Variants in RNLS observed in about 807,000 individuals in gnomAD.
RNLS encodes the protein renalase.
A neutral mutation model predicts 39.8 loss-of-function variants in RNLS; 39 were observed. That is an observed-to-expected ratio of 0.98 (90% CI 0.76 to 1.28). The LOEUF (loss-of-function observed/expected upper bound fraction) is 1.28, where lower values mean the gene tolerates loss of function less well. Among genes scored for constraint, RNLS ranks in the 50% most tolerant of loss-of-function variants. The probability of loss-of-function intolerance (pLI) is 0.00; values close to 1 mark genes in which losing one functional copy is unlikely to be tolerated. For synonymous variants in RNLS, 147 were observed against 150.7 expected (o/e 0.98, Z 0.18); for missense variants, 410 against 413.3 (o/e 0.99, Z 0.07).
In RNLS at chr10:88,572,945, G is replaced by T. The variant is rs1371330687; in HGVS notation, c.484C>A (p.Pro162Thr). The stretch of plus-strand genomic sequence containing the variant: ...TGAAGCTGCAGAATCTCAGGAACTG[G>T]CATTGTGAGAACAATAAGATCAAAC... ...EQFDLIVLTM[P>T]VPEILQLQGD... The change falls in exon 4 of 7, where the codon CCA (proline) becomes ACA (threonine). Residue 162 changes from proline (P) to threonine (T), a missense_variant. Pro to Thr is a conservative substitution (Grantham distance 38, BLOSUM62 -1). Coordinates refer to ENST00000331772, the MANE Select transcript of RNLS (RefSeq NM_001031709.3). 1 of 1,613,978 alleles carries T rather than the reference G, an allele frequency of 6.2e-7. No homozygotes were observed. Among genetic ancestry groups the T allele is most frequent in the Non-Finnish European group, 8.5e-7 (1 of 1,179,926 alleles).
At chr10:88,448,641 C>A (rs566002304) in intron 4 of RNLS, among the ~76,000 whole-genome samples, 2 of 152,280 alleles carry the variant, frequency 1.3e-5, no homozygotes, top group East Asian at 3.9e-4. Flanking sequence ...CCAGCCATCC[C>A]ATTACTGGGT....
At chr10:88,253,789 GC>G in the RNLS span, among the ~76,000 whole-genome samples, 1 of 152,114 alleles carries the variant, frequency 6.6e-6, no homozygotes, top group Non-Finnish European at 1.5e-5. Flanking sequence ...GCATTTTCCT[GC>G]CCCCCTCCCT....
chr10:88,272,169 A>G (rs148370639), downstream of RNLS, among the ~76,000 whole-genome samples: 4 of 152,262 alleles, frequency 2.6e-5, no homozygotes, highest in African/African-American at 9.6e-5. Flanking sequence ...AGAGGACTAG[A>G]GCAGTGATGT....
chr10:88,467,713 C>A (rs1361184289), intron 4 of RNLS, among the ~76,000 whole-genome samples: 1 of 152,092 alleles, frequency 6.6e-6, no homozygotes, highest in Non-Finnish European at 1.5e-5. Flanking sequence ...AGCTTGGGTG[C>A]AGCCTGGGTG....
At chr10:88,453,381 C>G (rs1842458591) in intron 4 of RNLS, among the ~76,000 whole-genome samples, 1 of 152,220 alleles carries the variant, frequency 6.6e-6, no homozygotes, top group Non-Finnish European at 1.5e-5. Flanking sequence ...ATAGAAGGGT[C>G]TAAAGGCCTG....
At chr10:88,382,135 G>A (rs78452892) in intron 4 of RNLS, among the ~76,000 whole-genome samples, 427 of 152,138 alleles carry the variant, frequency 2.8e-3, no homozygotes, top group African/African-American at 9.8e-3. Context: ...GTTATCATTT[G>A]ATTGTGTTTT....
At chr10:88,308,666 T>C (rs1589513901) in intron 6 of RNLS, among the ~76,000 whole-genome samples, 1 of 152,162 alleles carries the variant, frequency 6.6e-6, no homozygotes, top group Non-Finnish European at 1.5e-5. Flanking sequence ...TTACACATTG[T>C]TGGTGGGATT....
the RNLS span, among the ~76,000 whole-genome samples, chr10:88,206,303 T>C: frequency 6.6e-6 from 1 of 152,166 alleles, no homozygotes; most frequent in Non-Finnish European, 1.5e-5. Flanking sequence ...GACAACTAAT[T>C]TCCTGCATCA....
the RNLS span, among the ~76,000 whole-genome samples, chr10:88,225,408 A>G: frequency 6.6e-6 from 1 of 152,250 alleles, no homozygotes; most frequent in Non-Finnish European, 1.5e-5. Context: ...ATTAAATAGT[A>G]TAACTGTGGT....
At chr10:88,319,132 C>G (rs538441542) in intron 5 of RNLS, among the ~76,000 whole-genome samples, 67 of 152,226 alleles carry the variant, frequency 4.4e-4, no homozygotes, top group Middle Eastern at 6.8e-3. Context: ...CAAGCAGCAT[C>G]CGAGAAAGCC....
chr10:88,343,501 C>G, intron 5 of RNLS: 4 of 945,070 alleles, frequency 4.2e-6, no homozygotes, highest in Non-Finnish European at 5.0e-6. Context: ...TAAGTTTGAT[C>G]TTAACATATA....
chr10:88,533,058 A>T (rs1847533022), intron 4 of RNLS, among the ~76,000 whole-genome samples: 1 of 152,138 alleles, frequency 6.6e-6, no homozygotes, highest in South Asian at 2.1e-4. Flanking sequence ...CCAACAAAAT[A>T]AACATTTAAT....
In RNLS at chr10:88,540,585, A is replaced by G. The variant is rs927537110; in HGVS notation, c.526+32318T>C. ...GACAAGTGAAGTAGGTGTGTATCAC[A>G]AAGAATGTGTGGCTACAACAGCAAT... On this transcript the variant is annotated intron_variant, in intron 4 of 6. Coordinates refer to ENST00000331772, the MANE Select transcript of RNLS (RefSeq NM_001031709.3). Among the ~76,000 whole-genome samples, 19 of 152,256 alleles carry G rather than the reference A, an allele frequency of 1.2e-4. No individual in the cohort carries two copies. The East Asian group carries it at 3.3e-3, about 26-fold the overall frequency.
chr10:88,237,777 T>G, the RNLS span, among the ~76,000 whole-genome samples: 2 of 152,336 alleles, frequency 1.3e-5, no homozygotes, highest in East Asian at 3.9e-4. Flanking sequence ...TAGTATCTGC[T>G]TTGTGCAAGA....
chr10:88,481,601 C>T (rs563172398), intron 4 of RNLS, among the ~76,000 whole-genome samples: 39 of 152,228 alleles, frequency 2.6e-4, no homozygotes, highest in African/African-American at 9.4e-4. Context: ...ATCCTCTCCC[C>T]ATTTCTTGCA....
chr10:88,224,168 C>T, the RNLS span, among the ~76,000 whole-genome samples: 1 of 152,014 alleles, frequency 6.6e-6, no homozygotes, highest in Non-Finnish European at 1.5e-5. Flanking sequence ...ACATGTATTG[C>T]TCACAATTTT....
downstream of RNLS, among the ~76,000 whole-genome samples, chr10:88,283,603 T>C (rs1843102026): frequency 6.6e-6 from 1 of 152,138 alleles, no homozygotes; most frequent in South Asian, 2.1e-4. Context: ...ATGTGGTACA[T>C]ACATAGCATG....
chr10:88,516,001 C>A lies in RNLS; in HGVS notation c.526+56902G>T, dbSNP rs189236542. On this transcript the variant is annotated intron_variant, in intron 4 of 6. Coordinates refer to ENST00000331772, the MANE Select transcript of RNLS (RefSeq NM_001031709.3). The stretch of plus-strand genomic sequence containing the variant: ...GGAAATGTGGACACTAAGAAATACA[C>A]CAAGGATGCACAACACAAAATAAAG... Among the ~76,000 whole-genome samples the A allele has an allele frequency of 2.4e-3, 371 of 152,028 alleles. 1 individual carries two copies. Among genetic ancestry groups the A allele is most frequent in the Middle Eastern group, 6.8e-3 (2 of 294 alleles).
the RNLS span, among the ~76,000 whole-genome samples, chr10:88,215,691 ATTTTTTT>A: frequency 7.3e-5 from 7 of 95,446 alleles, no homozygotes; most frequent in African/African-American, 8.2e-5. Context: ...ACCATCTGTA[ATTTTTTT>A]TTTTTTTTTT....
Sources: gnomAD v4.1 joint callset for allele counts (sites outside exome capture counted in the v4.1 genomes callset) on GRCh38, gnomAD v4.1.1 for gene constraint, MANE v1.5 for transcripts, NCBI Gene and HGNC (gene_info 2026-07-23, HGNC 2026-07-21) for gene names.